RNF103: variants seen among roughly 807,000 people sequenced by gnomAD.
RNF103 encodes the protein ring finger protein 103, also known as E3 ubiquitin-protein ligase RNF103.
RNF103 carries 23 observed loss-of-function variants against 66.2 expected under a neutral mutation model. The ratio of observed to expected loss-of-function variants is 0.35; its 90% CI spans 0.25 to 0.49. The LOEUF (loss-of-function observed/expected upper bound fraction) is 0.49. RNF103 is among the 20% of genes least tolerant of loss of function. RNF103 has a pLI of 0.98. For missense variants in RNF103, 730 were observed against 814.7 expected (o/e 0.90, Z 1.27); for synonymous variants, 297 against 289.9 (o/e 1.02, Z -0.25).
intron 2 of RNF103, among the ~76,000 whole-genome samples, chr2:86,619,699 TA>T (rs1679150083): frequency 6.6e-6 from 1 of 152,220 alleles, no homozygotes; most frequent in South Asian, 2.1e-4. Flanking sequence ...CCACTCACCA[TA>T]AATTACATCT....
Position 86,623,300 on chromosome 2 carries a change from G to A in RNF103, c.-414C>T, listed in dbSNP as rs1465685610. On this transcript the variant is annotated 5_prime_UTR_variant, in exon 1 of 4. Transcript: ENST00000237455. ...CGGTGCCGCGATCTCAAGGGGGAGG[G>A]GGAGACCAAAAAATAACTCAGATCC... 8.1e-6 allele frequency: 8 copies of A among 991,064 alleles called. No individual in the cohort carries two copies. Among genetic ancestry groups the A allele is most frequent in the Admixed American group, 1.2e-4 (2 of 16,262 alleles). The allele number at this position is 991,064 out of a possible 1,614,324, so 61.4% of individuals were successfully genotyped here. A position where few individuals can be genotyped will look rare whatever the true frequency, so the allele number is the denominator to read the frequency against.
Position 86,623,693 on chromosome 2 carries a change from G to A in RNF103, c.-807C>T. The A allele has an allele frequency of 8.1e-7, 1 of 1,231,034 alleles. No individual in the cohort carries two copies. Among genetic ancestry groups the A allele is most frequent in the East Asian group, 7.1e-5 (1 of 14,006 alleles). 76.3% of individuals were successfully genotyped at this position (1,231,034 alleles called of 1,614,324 possible). Reference sequence around the variant, plus strand: ...AAAACCAATAATAGGCCCCGAGACTGCTCCTCCAGGCGGCTACCCGGCTGC... The same window carrying A: ...AAAACCAATAATAGGCCCCGAGACTACTCCTCCAGGCGGCTACCCGGCTGC... On this transcript the variant is annotated 5_prime_UTR_variant, in exon 1 of 4. Transcript: ENST00000237455.
In RNF103 at chr2:86,622,707, T is replaced by G; in HGVS notation, c.180A>C (p.Ser60=). The G allele has an allele frequency of 6.2e-7, 1 of 1,614,150 alleles. No individual in the cohort carries two copies. The highest frequency in any genetic ancestry group is 8.5e-7 in the Non-Finnish European group (1 of 1,180,012). ...GGACATCCTTCTTCTCGGGCAACCC[T>G]GAGTAGCCCAACCCCCGGCACTCCA... is the stretch of plus-strand genomic sequence containing the variant. ...TILECRGLGY[S]GLPEKKDVRE... The change falls in exon 1 of 4, where the codon TCA becomes TCC. Residue 60 remains serine, a synonymous_variant. Coordinates refer to ENST00000237455, the MANE Select transcript of RNF103 (RefSeq NM_005667.4).
In RNF103 at chr2:86,604,109, A is replaced by G. The variant is rs1488631418; in HGVS notation, c.1792T>C (p.Tyr598His). ...GGTTCCATATCTTCATTAGTGTTAT[A>G]TGATCCATATGACCTCCCCTTCCTT... ...CERKGRSYGS[Y>H]NTNEDMEPDW... Residue 598 changes from tyrosine (Y) to histidine (H), a missense_variant, in exon 4 of 4, where the codon TAT becomes CAT. Coordinates refer to ENST00000237455, the MANE Select transcript of RNF103 (RefSeq NM_005667.4). 1 of 1,613,378 alleles carries G rather than the reference A, an allele frequency of 6.2e-7. No homozygotes were observed. The highest frequency in any genetic ancestry group is 8.5e-7 in the Non-Finnish European group (1 of 1,180,056).
chr2:86,606,590 G>A (rs1678564095), intron 3 of RNF103, among the ~76,000 whole-genome samples: 1 of 150,270 alleles, frequency 6.7e-6, no homozygotes, highest in Non-Finnish European at 1.5e-5. Context: ...TTGAACCCGG[G>A]AGGCAGAGGG....
At chr2:86,609,654 G>A (rs1678710892) in intron 3 of RNF103, among the ~76,000 whole-genome samples, 1 of 151,806 alleles carries the variant, frequency 6.6e-6, no homozygotes, top group Non-Finnish European at 1.5e-5. Flanking sequence ...CCAAAGTGCT[G>A]GGATTACAGG....
intron 2 of RNF103, chr2:86,617,524 T>C (rs1679066388): frequency 1.9e-6 from 1 of 531,048 alleles, no homozygotes; most frequent in African/African-American, 2.1e-5. Flanking sequence ...CAGGTATGTA[T>C]GTATAGGAAA....
In RNF103 at chr2:86,612,348, TATA is replaced by T. The variant is rs113989189; in HGVS notation, c.367-77_367-75del. 0.018 allele frequency: 13,911 copies of T among 772,824 alleles called. 1,357 individuals are homozygous for T. The African/African-American group carries it at 0.21, about 12-fold the overall frequency. 47.9% of individuals were successfully genotyped at this position (772,824 alleles called of 1,614,324 possible). On this transcript the variant is annotated intron_variant, in intron 2 of 3. Transcript: ENST00000237455. ...TCAAGCCAACCGTTTACATCAACAA[TATA>T]ATTTCACTTAAAAAAAAAGATATTC...
In RNF103 at chr2:86,623,093, G is replaced by A. The variant is rs1483717517; in HGVS notation, c.-207C>T. 3 of 1,275,996 alleles carry A rather than the reference G, an allele frequency of 2.4e-6. No homozygotes were observed. Among genetic ancestry groups the A allele is most frequent in the African/African-American group, 3.2e-5 (2 of 63,462 alleles). 79.0% of individuals were successfully genotyped at this position (1,275,996 alleles called of 1,614,324 possible). A position where few individuals can be genotyped will look rare whatever the true frequency, so the allele number is the denominator to read the frequency against. On this transcript the variant is annotated 5_prime_UTR_variant, in exon 1 of 4. Transcript: ENST00000237455. ...GCGAGGCGGCGACGAGGGACGCAGA[G>A]ACGCAGAGCCTCGCGCCGGGCCTCC...
At chr2:86,618,172 G>T in intron 2 of RNF103, 1 of 271,732 alleles carries the variant, frequency 3.7e-6, no homozygotes, top group Non-Finnish European at 7.7e-6. Context: ...AATTTATAAT[G>T]CTACCATTTA....
chr2:86,612,563 T>C (rs569854791), intron 2 of RNF103: 2 of 219,518 alleles, frequency 9.1e-6, no homozygotes, highest in South Asian at 1.3e-4. Context: ...TTCTCCACCA[T>C]GTGGCCTCTT....
In RNF103 at chr2:86,604,569, ATTG is replaced by A. The variant is rs748841984; in HGVS notation, c.1329_1331del (p.Asn444del). The A allele has an allele frequency of 5.0e-6, 8 of 1,613,868 alleles. No individual in the cohort carries two copies. Among genetic ancestry groups the A allele is most frequent in the African/African-American group, 1.3e-5 (1 of 74,932 alleles). On this transcript the variant is annotated inframe_deletion, in exon 4 of 4. Transcript: ENST00000237455. Reference sequence around the variant, plus strand: ...CTAAGTTATTGGCATTGACTTCATCATTGTTGTTGTTGCGCCTTCTCTTCTTCT... The same window carrying A: ...CTAAGTTATTGGCATTGACTTCATCATTGTTGTTGCGCCTTCTCTTCTTCT...
Position 86,620,470 on chromosome 2 carries a change from C to A in RNF103, c.227-1G>T. On this transcript the variant is annotated splice_acceptor_variant, in intron 1 of 3. Coordinates refer to ENST00000237455, the MANE Select transcript of RNF103 (RefSeq NM_005667.4). LOFTEE classifies it high-confidence loss of function. ...TAGAGCTCACCCTCCATCAAGTCAC[C>A]TGAAGAAAGGAAAAGAATAACACTA... 6.4e-7 allele frequency: 1 copy of A among 1,567,080 alleles called. No homozygotes were observed. Among genetic ancestry groups the A allele is most frequent in the South Asian group, 1.2e-5 (1 of 85,308 alleles).
chr2:86,612,848 T>C (rs1187637624), intron 2 of RNF103: 1 of 152,236 alleles, frequency 6.6e-6, no homozygotes, highest in Non-Finnish European at 1.5e-5. Flanking sequence ...ACAATAAGAA[T>C]TACCATTCTT....
chr2:86,608,799 A>G (rs943398112), intron 3 of RNF103, among the ~76,000 whole-genome samples: 1 of 152,148 alleles, frequency 6.6e-6, no homozygotes, highest in Non-Finnish European at 1.5e-5. Flanking sequence ...TGTCAAAAAA[A>G]GTACAGAGTA....
chr2:86,615,537 T>TAA lies in RNF103; in HGVS notation c.367-3265_367-3264dup, dbSNP rs1299759074. Among the ~76,000 whole-genome samples the TAA allele has an allele frequency of 3.9e-4, 57 of 145,844 alleles. No homozygotes were observed. The East Asian group carries it at 9.5e-3, about 24-fold the overall frequency. On this transcript the variant is annotated intron_variant, in intron 2 of 3. Coordinates refer to ENST00000237455, the MANE Select transcript of RNF103 (RefSeq NM_005667.4). ...CATATGCCTTATATATATATATATA[T>TAA]AATATATATACACACACACACTATG...
At chr2:86,605,494 G>A (rs990342958) in intron 3 of RNF103, 76 bp from the exon 4 acceptor site, 7 of 1,462,520 alleles carry the variant, frequency 4.8e-6, no homozygotes, top group Non-Finnish European at 5.5e-6. Flanking sequence ...AATTTCTTTA[G>A]CACCTCACCC....
chr2:86,603,632 T>C lies in RNF103; in HGVS notation c.*211A>G, dbSNP rs909389650. On this transcript the variant is annotated 3_prime_UTR_variant, in exon 4 of 4. Coordinates refer to ENST00000237455, the MANE Select transcript of RNF103 (RefSeq NM_005667.4). ...AAAACATTAACTTCTGAATTTCCAA[T>C]GTTGTAAATAAAAAAATTTTACAAT... The C allele has an allele frequency of 5.2e-6, 3 of 572,456 alleles. No homozygotes were observed. The highest frequency in any genetic ancestry group is 8.6e-6 in the Non-Finnish European group (3 of 350,406). The allele number at this position is 572,456 out of a possible 1,614,324, so 35.5% of individuals were successfully genotyped here.
chr2:86,619,150 C>G (rs1400506376), intron 2 of RNF103, among the ~76,000 whole-genome samples: 2 of 152,108 alleles, frequency 1.3e-5, no homozygotes, highest in Non-Finnish European at 2.9e-5. Context: ...TTTGAGGCCA[C>G]GTGCAACAGA....
Sources: gnomAD v4.1 joint callset for allele counts (sites outside exome capture counted in the v4.1 genomes callset) on GRCh38, gnomAD v4.1.1 for gene constraint, MANE v1.5 for transcripts, NCBI Gene and HGNC (gene_info 2026-07-23, HGNC 2026-07-21) for gene names.